Variants in PCDHA2 observed in about 807,000 individuals in gnomAD.
PCDHA2 encodes protocadherin alpha-2.
In PCDHA2, 58 loss-of-function variants were observed where a neutral mutation model predicts 66.0. That is an observed-to-expected ratio of 0.88 (90% CI 0.71 to 1.09). PCDHA2 has a LOEUF of 1.09. PCDHA2 is among the 50% of genes least tolerant of loss of function. PCDHA2 has a pLI of 0.00. For missense variants in PCDHA2, 1,267 were observed against 1,242.3 expected (o/e 1.02, Z -0.30); for synonymous variants, 634 against 554.0 (o/e 1.14, Z -2.03).
intron 1 of PCDHA2, among the ~76,000 whole-genome samples, chr5:140,875,022 C>A (rs1267699693): frequency 1.3e-5 from 2 of 152,116 alleles, no homozygotes; most frequent in Non-Finnish European, 2.9e-5. Context: ...TAGGTTCTGG[C>A]CTACTGTATT....
At chr5:140,867,519 G>T (rs1028879679) in intron 1 of PCDHA2, 3 of 152,018 alleles carry the variant, frequency 2.0e-5, no homozygotes, top group Admixed American at 1.3e-4. Context: ...CAAATTAATA[G>T]TTGAATATAT....
At chr5:140,967,102 G>T (rs1279026258) in intron 1 of PCDHA2, 1 of 1,612,978 alleles carries the variant, frequency 6.2e-7, no homozygotes, top group African/African-American at 1.3e-5. Context: ...CGCTGTGTGA[G>T]CAGCGGCCTC....
intron 1 of PCDHA2, chr5:140,858,289 T>G: frequency 6.3e-7 from 1 of 1,597,184 alleles, no homozygotes; most frequent in African/African-American, 1.3e-5. Context: ...GGAGCTGGTC[T>G]TACTCGCAGC....
At chr5:140,885,050 C>T (rs1183142093) in intron 1 of PCDHA2, among the ~76,000 whole-genome samples, 3 of 152,164 alleles carry the variant, frequency 2.0e-5, no homozygotes, top group African/African-American at 7.2e-5. Context: ...TTAATGTATA[C>T]ATATACCCAC....
chr5:140,796,245 A>T lies in PCDHA2; in HGVS notation c.1281A>T (p.Ala427=), dbSNP rs555772582. 6.2e-6 allele frequency: 10 copies of T among 1,614,146 alleles called. No homozygotes were observed. The South Asian group carries it at 1.1e-4, about 18-fold the overall frequency. Residue 427 remains alanine (A), a synonymous_variant, in exon 1 of 4, where the codon GCA becomes GCT. Transcript: ENST00000526136. ...SVSAYELVVT[A]RDGGSPSLWA... is the part of the protein sequence containing the mutation. ...CAGCCTATGAGCTGGTGGTGACCGC[A>T]CGGGACGGGGGCTCGCCTTCACTGT... is the stretch of plus-strand genomic sequence containing the variant.
intron 1 of PCDHA2, chr5:140,851,680 A>G (rs2042128414): frequency 2.2e-6 from 2 of 918,856 alleles, no homozygotes; most frequent in African/African-American, 3.6e-5. Flanking sequence ...AATTTTCTCC[A>G]TTCAGTGATA....
rs1305533270 is a variant in PCDHA2, at chr5:141,000,401, A to C, written c.2537-9226A>C. Among the ~76,000 whole-genome samples the C allele has an allele frequency of 8.1e-3, 613 of 75,996 alleles. 4 individuals are homozygous for C. The highest frequency in any genetic ancestry group is 0.017 in the East Asian group (44 of 2,548). The allele number at this position is 75,996 out of a possible 152,430, so 49.9% of individuals were successfully genotyped here. A position where few individuals can be genotyped will look rare whatever the true frequency, so the allele number is the denominator to read the frequency against. On this transcript the variant is annotated intron_variant, in intron 3 of 3. Transcript: ENST00000526136. Reference sequence around the variant, plus strand: ...TCTCTCTCTCTCTCTCTCTCTATATATATATATATATATATATATATTTTT... The same window carrying C: ...TCTCTCTCTCTCTCTCTCTCTATATCTATATATATATATATATATATTTTT...
chr5:140,843,736 A>T (rs1779068159), intron 1 of PCDHA2: 1 of 1,547,354 alleles, frequency 6.5e-7, no homozygotes, highest in African/African-American at 1.4e-5. Context: ...TTAAATTTAG[A>T]ACTCATAAAT....
At chr5:140,870,436 G>A (rs782478068) in intron 1 of PCDHA2, 7 of 1,614,128 alleles carry the variant, frequency 4.3e-6, no homozygotes, top group Non-Finnish European at 5.9e-6. Context: ...CGTGGAGGTG[G>A]CCGACGTGAA....
chr5:141,000,345 C>A (rs1395527046), intron 3 of PCDHA2, among the ~76,000 whole-genome samples: 7 of 116,650 alleles, frequency 6.0e-5, no homozygotes, highest in African/African-American at 2.4e-4. Context: ...CCCTATCTCT[C>A]TCTCTGTCTC....
chr5:140,947,920 A>G (rs1336638527), intron 1 of PCDHA2, among the ~76,000 whole-genome samples: 1 of 151,504 alleles, frequency 6.6e-6, no homozygotes, highest in African/African-American at 2.4e-5. Context: ...TCTTGCCTTA[A>G]CCCTGATCTT....
chr5:141,011,626 C>T lies in PCDHA2; in HGVS notation c.*1689C>T, dbSNP rs1340546254. 6.5e-6 allele frequency: 1 copy of T among 153,668 alleles called. No individual in the cohort carries two copies. Among genetic ancestry groups the T allele is most frequent in the Non-Finnish European group, 1.5e-5 (1 of 68,026 alleles). The allele number at this position is 153,668 out of a possible 1,614,324, so 9.5% of individuals were successfully genotyped here. On this transcript the variant is annotated 3_prime_UTR_variant, in exon 4 of 4. Transcript: ENST00000526136. Reference sequence around the variant, plus strand: ...ATTTTATTTATGGTCCAGCCAAGAGCCATCTCGTGCCAAGACTTCTGCTGG... The same window carrying T: ...ATTTTATTTATGGTCCAGCCAAGAGTCATCTCGTGCCAAGACTTCTGCTGG...
intron 3 of PCDHA2, among the ~76,000 whole-genome samples, chr5:141,000,415 A>ATTT (rs1563651650): frequency 1.1e-5 from 1 of 87,398 alleles, no homozygotes; most frequent in South Asian, 4.0e-4. Flanking sequence ...ATATATATAT[A>ATTT]TATATATTTT....
intron 1 of PCDHA2, among the ~76,000 whole-genome samples, chr5:140,972,667 T>G (rs1442293512): frequency 1.3e-5 from 2 of 149,086 alleles, no homozygotes; most frequent in East Asian, 3.9e-4. Context: ...CAAATTTTTT[T>G]TTTTTTTTTT....
At chr5:140,886,605 A>G (rs998772471) in intron 1 of PCDHA2, among the ~76,000 whole-genome samples, 2 of 152,108 alleles carry the variant, frequency 1.3e-5, no homozygotes, top group Non-Finnish European at 2.9e-5. Flanking sequence ...AGGTGGGCGG[A>G]TCAGGAGATC....
intron 1 of PCDHA2, among the ~76,000 whole-genome samples, chr5:140,911,305 T>C (rs1036239500): frequency 1.3e-5 from 2 of 152,186 alleles, no homozygotes; most frequent in Non-Finnish European, 2.9e-5. Context: ...CATATCCCCA[T>C]TCCAAGTTTC....
intron 1 of PCDHA2, among the ~76,000 whole-genome samples, chr5:140,962,849 T>C (rs1434907172): frequency 6.6e-6 from 1 of 152,214 alleles, no homozygotes; most frequent in African/African-American, 2.4e-5. Context: ...ATATAACTTG[T>C]GCTCGGTTTG....
intron 1 of PCDHA2, among the ~76,000 whole-genome samples, chr5:140,971,183 G>C (rs1471489236): frequency 1.3e-5 from 2 of 152,170 alleles, no homozygotes; most frequent in African/African-American, 4.8e-5. Flanking sequence ...CTGTAAGCCG[G>C]AAGCTCAGAG....
chr5:140,836,322 C>T (rs2150257752), intron 1 of PCDHA2: 37 of 1,613,644 alleles, frequency 2.3e-5, no homozygotes, highest in Admixed American at 3.3e-5. Context: ...GCGCCACCGC[C>T]TTCTGGTGCT....
Sources: gnomAD v4.1 joint callset for allele counts (sites outside exome capture counted in the v4.1 genomes callset) on GRCh38, gnomAD v4.1.1 for gene constraint, MANE v1.5 for transcripts, NCBI Gene and HGNC (gene_info 2026-07-23, HGNC 2026-07-21) for gene names.